The following FHOD3 variants were observed in gnomAD, a reference collection of about 807,000 sequenced individuals.
FHOD3 encodes the protein formin homology 2 domain containing 3, also known as FH1/FH2 domain-containing protein 3.
FHOD3 carries 90 observed loss-of-function variants against 173.0 expected under a neutral mutation model. The ratio of observed to expected loss-of-function variants is 0.52; its 90% CI spans 0.44 to 0.62. FHOD3 has a LOEUF of 0.62. Ranked by LOEUF, FHOD3 falls within the 20% of genes least tolerant of loss-of-function variation. The pLI, the probability that FHOD3 is intolerant of heterozygous loss-of-function variation, is 0.00. For missense variants in FHOD3, 1,945 were observed against 2,034.7 expected (o/e 0.96, Z 0.85); for synonymous variants, 828 against 823.0 (o/e 1.01, Z -0.10).
At chr18:36,521,645 T>C (rs994186211) in intron 5 of FHOD3, among the ~76,000 whole-genome samples, 1 of 152,202 alleles carries the variant, frequency 6.6e-6, no homozygotes, top group South Asian at 2.1e-4. Flanking sequence ...CTCTACCAGC[T>C]GCCTCATGGG....
At chr18:36,360,036 C>T (rs1900669952) in intron 2 of FHOD3, among the ~76,000 whole-genome samples, 1 of 152,212 alleles carries the variant, frequency 6.6e-6, no homozygotes, top group African/African-American at 2.4e-5. Flanking sequence ...GGAGGTTTGC[C>T]CACAGGGCTG....
chr18:36,709,089 C>T lies in FHOD3; in HGVS notation c.2237-6C>T, dbSNP rs1421782054. 7 of 1,611,262 alleles carry T rather than the reference C, an allele frequency of 4.3e-6. No homozygotes were observed. The highest frequency in any genetic ancestry group is 4.5e-5 in the East Asian group (2 of 44,800). ...TCAATATAATCTCCATTGTTGTCTC[C>T]ACCAGCAAGTGCCGGGGATCCTGAA... On this transcript the variant is annotated splice_region_variant and splice_polypyrimidine_tract_variant and intron_variant, in intron 17 of 28. Transcript: ENST00000590592.
intron 20 of FHOD3, among the ~76,000 whole-genome samples, chr18:36,732,676 C>A (rs752001308): frequency 3.9e-5 from 6 of 152,110 alleles, no homozygotes; most frequent in African/African-American, 1.4e-4. Flanking sequence ...AGTGAGTGGG[C>A]GACAGCTGGG....
chr18:36,441,254 A>G (rs540526969), intron 3 of FHOD3, among the ~76,000 whole-genome samples: 20 of 152,290 alleles, frequency 1.3e-4, no homozygotes, highest in African/African-American at 4.3e-4. Context: ...CTGCCCACCA[A>G]TGCGAGGTGA....
At chr18:36,697,235 A>G (rs1287072911) in intron 17 of FHOD3, among the ~76,000 whole-genome samples, 1 of 152,214 alleles carries the variant, frequency 6.6e-6, no homozygotes, top group African/African-American at 2.4e-5. Flanking sequence ...TGAAAACCAT[A>G]TGTTGATGGT....
intron 5 of FHOD3, among the ~76,000 whole-genome samples, chr18:36,568,183 AAT>A (rs200216610): frequency 0.05 from 4,554 of 91,858 alleles, 296 homozygotes; most frequent in African/African-American, 0.15. Flanking sequence ...AAAAAAAAAA[AAT>A]AAATTAGCCA....
intron 9 of FHOD3, among the ~76,000 whole-genome samples, chr18:36,623,162 C>T (rs971489919): frequency 3.3e-5 from 5 of 152,218 alleles, no homozygotes; most frequent in Non-Finnish European, 7.3e-5. Context: ...TTATCTCTAC[C>T]TTCCTTGACA....
intron 6 of FHOD3, among the ~76,000 whole-genome samples, chr18:36,577,717 C>T (rs2058706931): frequency 6.6e-6 from 1 of 152,210 alleles, no homozygotes. Context: ...GAAAGCCTAG[C>T]TGGTTTCCCC....
chr18:36,775,553 A>G (rs950957550), intron 28 of FHOD3, among the ~76,000 whole-genome samples: 3 of 152,194 alleles, frequency 2.0e-5, no homozygotes, highest in Non-Finnish European at 4.4e-5. Flanking sequence ...CAGTGTTTCC[A>G]TAAAGATTAA....
rs2046321085 is a variant in FHOD3 at position 36,355,534 on chromosome 18, T to G, written c.166-5T>G. 21 of 1,613,766 alleles carry G rather than the reference T, an allele frequency of 1.3e-5. No homozygotes were observed. Among genetic ancestry groups the G allele is most frequent in the Non-Finnish European group, 1.7e-5 (20 of 1,179,784 alleles). ...GTTGGGTATAACAGGCTCTTTCTCT[T>G]GCAGCTGGATGACTGTACTCTGCAG... On this transcript the variant is annotated splice_region_variant and splice_polypyrimidine_tract_variant and intron_variant, in intron 1 of 28. Coordinates refer to ENST00000590592, the MANE Select transcript of FHOD3 (RefSeq NM_001281740.3).
At chr18:36,642,463 C>CA (rs2035384883) in intron 10 of FHOD3, among the ~76,000 whole-genome samples, 1 of 150,654 alleles carries the variant, frequency 6.6e-6, no homozygotes, top group African/African-American at 2.4e-5. Flanking sequence ...ACTAAAAATA[C>CA]AAAAAATTAG....
chr18:36,379,017 G>C (rs2047600190), intron 3 of FHOD3, among the ~76,000 whole-genome samples: 1 of 152,178 alleles, frequency 6.6e-6, no homozygotes, highest in Admixed American at 6.5e-5. Flanking sequence ...GAACCATTCA[G>C]TTCTGTCACA....
At chr18:36,633,856 A>G (rs971510728) in intron 10 of FHOD3, among the ~76,000 whole-genome samples, 2 of 152,232 alleles carry the variant, frequency 1.3e-5, no homozygotes, top group African/African-American at 4.8e-5. Context: ...TCCTGAAATC[A>G]TACTTACTGA....
At position 36,503,938 on chromosome 18, in the gene FHOD3, T is replaced by C. The variant is rs189616363; in HGVS notation, c.405+1939T>C. Among the ~76,000 whole-genome samples the C allele has an allele frequency of 3.3e-5, 5 of 152,320 alleles. No individual in the cohort carries two copies. The East Asian group carries it at 9.7e-4, about 29-fold the overall frequency. On this transcript the variant is annotated intron_variant, in intron 4 of 28. Transcript: ENST00000590592. ...TGCCCTGGACCTGCGACTTATTGAT[T>C]GATTGAGATGGAATCTCACTCTGTC...
intron 9 of FHOD3, 80 bp downstream of exon 9, chr18:36,612,175 C>A: frequency 6.8e-7 from 1 of 1,459,918 alleles, no homozygotes; most frequent in South Asian, 1.3e-5. Flanking sequence ...CTTTAGACCA[C>A]GCGTAAAGCG....
intron 5 of FHOD3, among the ~76,000 whole-genome samples, chr18:36,574,833 A>G (rs1238027350): frequency 2.0e-5 from 3 of 152,186 alleles, no homozygotes; most frequent in Non-Finnish European, 2.9e-5. Context: ...TAAATAGACT[A>G]TGAATCTGTT....
intron 5 of FHOD3, among the ~76,000 whole-genome samples, chr18:36,528,738 A>G (rs1434440663): frequency 2.0e-5 from 3 of 152,232 alleles, no homozygotes; most frequent in Non-Finnish European, 4.4e-5. Context: ...TTCTTATGGC[A>G]TTAAAAGAAG....
chr18:36,692,961 C>T, intron 16 of FHOD3: 1 of 546,764 alleles, frequency 1.8e-6, no homozygotes, highest in South Asian at 2.2e-5. Flanking sequence ...AGCAGTGATC[C>T]AGTATCTAGG....
At position 36,364,550 on chromosome 18, in the gene FHOD3, G is replaced by A. The variant is rs183830265; in HGVS notation, c.273-8130G>A. Among the ~76,000 whole-genome samples, 5 of 152,292 alleles carry A rather than the reference G, an allele frequency of 3.3e-5. No homozygotes were observed. In the East Asian group the frequency reaches 9.7e-4, roughly 29 times the overall value. ...GCCAGTGGTCCCTGCCTTAGTTGAG[G>A]AGAGTGAAGAGCAGTATTGGTGCTG... On this transcript the variant is annotated intron_variant, in intron 2 of 28. Transcript: ENST00000590592.
Sources: allele counts gnomAD v4.1 joint callset (sites outside exome capture counted in the v4.1 genomes callset), GRCh38; gene constraint gnomAD v4.1.1; transcripts MANE v1.5; gene names NCBI Gene and HGNC (gene_info 2026-07-23, HGNC 2026-07-21).